The following LDLRAD4 variants were observed in gnomAD, a reference collection of about 807,000 sequenced individuals.
LDLRAD4 encodes low-density lipoprotein receptor class A domain-containing protein 4.
LDLRAD4 carries 5 observed loss-of-function variants against 17.0 expected under a neutral mutation model. The observed-to-expected ratio is 0.29, with a 90% CI of 0.15 to 0.62. The LOEUF is 0.62. Ranked by LOEUF, LDLRAD4 falls within the 20% of genes least tolerant of loss-of-function variation. The probability of loss-of-function intolerance (pLI) is 0.84; values close to 1 mark genes in which losing one functional copy is unlikely to be tolerated. For synonymous variants in LDLRAD4, 168 were observed against 171.8 expected, an observed-to-expected ratio of 0.98 and a Z score of 0.17; for missense variants, 340 against 424.7, an observed-to-expected ratio of 0.80 and a Z score of 1.75.
At chr18:13,265,565 G>A (rs190006008) in intron 1 of LDLRAD4, among the ~76,000 whole-genome samples, 103 of 152,176 alleles carry the variant, frequency 6.8e-4, no homozygotes, top group African/African-American at 2.4e-3. Flanking sequence ...GGAGCAAGGC[G>A]TGCCACATCT....
chr18:13,578,740 G>T (rs2094809988), intron 3 of LDLRAD4, among the ~76,000 whole-genome samples: 1 of 143,904 alleles, frequency 6.9e-6, no homozygotes, highest in Non-Finnish European at 1.5e-5. Flanking sequence ...TTGCTAGGAT[G>T]AAAAACAACC....
In LDLRAD4 at chr18:13,621,087, G is replaced by A. The variant is rs1010704981; in HGVS notation, c.182-30G>A. On this transcript the variant is annotated intron_variant, in intron 3 of 5. Transcript: ENST00000359446. This position sits in a 1 kb window ranked among gnomAD's most constrained non-coding sequence, Gnocchi z 5.5. ...AATGGGTGGGGACTGGAGGGGCCAG[G>A]TGGCTAACCACTCTCCTCTTCCATG... 3.7e-6 allele frequency: 6 copies of A among 1,614,074 alleles called. No homozygotes were observed. The highest frequency in any genetic ancestry group is 1.1e-5 in the South Asian group (1 of 91,084).
chr18:13,387,761 A>G, exon 2 of LDLRAD4: 1 of 1,613,460 alleles, frequency 6.2e-7, no homozygotes, highest in South Asian at 1.1e-5. Flanking sequence ...ATGCTTTCAC[A>G]GGTGAGCATG....
chr18:13,494,673 A>ATTATATAT (rs369486762), intron 3 of LDLRAD4, among the ~76,000 whole-genome samples: 2 of 17,344 alleles, frequency 1.2e-4, no homozygotes, highest in African/African-American at 4.6e-4. Context: ...CATATTTAAT[A>ATTATATAT]ATATAATATA....
At chr18:13,545,332 G>A (rs1360633518) in intron 3 of LDLRAD4, among the ~76,000 whole-genome samples, 4 of 152,286 alleles carry the variant, frequency 2.6e-5, no homozygotes, top group South Asian at 2.1e-4. Flanking sequence ...GGGACTCCTC[G>A]GGGACTCTGA....
chr18:13,371,339 C>T (rs979776057), intron 1 of LDLRAD4, among the ~76,000 whole-genome samples: 6 of 152,208 alleles, frequency 3.9e-5, no homozygotes, highest in Non-Finnish European at 5.9e-5. Context: ...CCCAGTGTTC[C>T]ATGCCCTGCT....
chr18:13,227,296 A>G (rs540260636), intron 1 of LDLRAD4, among the ~76,000 whole-genome samples: 59 of 152,340 alleles, frequency 3.9e-4, no homozygotes, highest in African/African-American at 1.3e-3. Flanking sequence ...CTAATTAAAG[A>G]CAGTCTTTCA....
At chr18:13,426,192 GT>G (rs2089919846) in intron 2 of LDLRAD4, 1 of 152,362 alleles carries the variant, frequency 6.6e-6, no homozygotes, top group African/African-American at 2.4e-5. Context: ...AGGATAATGG[GT>G]TTTAAGCCCC....
At chr18:13,330,017 G>A (rs943136199) in intron 1 of LDLRAD4, among the ~76,000 whole-genome samples, 4 of 151,106 alleles carry the variant, frequency 2.6e-5, no homozygotes, top group Admixed American at 6.6e-5. Context: ...GTGCAGTGGC[G>A]CGATCTCCGC....
intron 1 of LDLRAD4, among the ~76,000 whole-genome samples, chr18:13,331,143 C>A (rs900497355): frequency 6.6e-6 from 1 of 152,198 alleles, no homozygotes; most frequent in Admixed American, 6.5e-5. Context: ...GTGGGAATCC[C>A]GATTTATAGC....
At chr18:13,450,335 CCCA>C (rs1568173438) in intron 3 of LDLRAD4, among the ~76,000 whole-genome samples, 22 of 125,856 alleles carry the variant, frequency 1.7e-4, no homozygotes, top group African/African-American at 6.4e-4. Context: ...CACCCCCCCC[CCCA>C]AAAAAACACA....
chr18:13,643,451 G>T (rs1406471636), intron 5 of LDLRAD4, 39 bp downstream of exon 6: 3 of 482,590 alleles, frequency 6.2e-6, no homozygotes, highest in Admixed American at 9.0e-5. Context: ...GGGGGGCGGG[G>T]GGGGTGGGTG....
intron 3 of LDLRAD4, among the ~76,000 whole-genome samples, chr18:13,583,033 C>A (rs564983339): frequency 1.6e-4 from 25 of 152,242 alleles, no homozygotes; most frequent in African/African-American, 5.5e-4. Flanking sequence ...TCATCTGAAT[C>A]AAACCTTAAT....
intron 1 of LDLRAD4, among the ~76,000 whole-genome samples, chr18:13,288,401 T>G (rs1230007724): frequency 1.3e-5 from 2 of 152,242 alleles, no homozygotes; most frequent in African/African-American, 2.4e-5. Context: ...TAGAGTTGTT[T>G]ATATTAAAAT....
Position 13,417,435 on chromosome 18 carries a change from CT to C in LDLRAD4, c.41-20794del, listed in dbSNP as rs58522143. On this transcript the variant is annotated intron_variant, in intron 2 of 5. Coordinates refer to ENST00000359446, the Ensembl canonical transcript of LDLRAD4. Reference sequence around the variant, plus strand: ...AATGCTTTATTAGTTTGCTGTTTTTCTTTTTTTTTTTTTTTGAGACAGAGTC... The same window carrying C: ...AATGCTTTATTAGTTTGCTGTTTTTCTTTTTTTTTTTTTTGAGACAGAGTC... Among the ~76,000 whole-genome samples the C allele has an allele frequency of 3.1e-3, 435 of 139,244 alleles. 1 individual carries two copies. The highest frequency in any genetic ancestry group is 3.7e-3 in the Middle Eastern group (1 of 270). The allele number at this position is 139,244 out of a possible 152,430, so 91.3% of individuals were successfully genotyped here.
intron 3 of LDLRAD4, among the ~76,000 whole-genome samples, chr18:13,481,560 C>A (rs944892793): frequency 3.9e-5 from 6 of 152,162 alleles, no homozygotes; most frequent in Non-Finnish European, 8.8e-5. Context: ...AGACTGGGCC[C>A]CTGTTGTCAC....
At chr18:13,274,265 G>A (rs1310627901), upstream of LDLRAD4, among the ~76,000 whole-genome samples, 1 of 152,182 alleles carries the variant, frequency 6.6e-6, no homozygotes, top group African/African-American at 2.4e-5. Flanking sequence ...GAGGGAGGAG[G>A]CCTGGATGGG....
intron 3 of LDLRAD4, among the ~76,000 whole-genome samples, chr18:13,482,643 C>T (rs1349902309): frequency 6.6e-6 from 1 of 152,208 alleles, no homozygotes; most frequent in Non-Finnish European, 1.5e-5. Flanking sequence ...TGAGCCCCAT[C>T]AGTCTGTGTG....
At chr18:13,476,049 A>T (rs1219981484) in intron 3 of LDLRAD4, among the ~76,000 whole-genome samples, 1 of 152,144 alleles carries the variant, frequency 6.6e-6, no homozygotes, top group East Asian at 1.9e-4. Flanking sequence ...TCTGAGATAT[A>T]GTTTGGATTA....
Sources: allele counts gnomAD v4.1 joint callset (sites outside exome capture counted in the v4.1 genomes callset), GRCh38; gene constraint gnomAD v4.1.1; non-coding constraint Gnocchi (gnomAD v3.1); transcripts MANE v1.5; gene names NCBI Gene and HGNC (gene_info 2026-07-23, HGNC 2026-07-21).